The following ATAD2B variants were observed in gnomAD, a reference collection of about 807,000 sequenced individuals.
The protein encoded by ATAD2B is ATPase family AAA domain-containing protein 2B.
Under a neutral mutation model 167.6 loss-of-function variants are expected in ATAD2B, and 40 were observed. The observed-to-expected ratio is 0.24, with a 90% CI of 0.19 to 0.31. ATAD2B has a LOEUF of 0.31. ATAD2B is among the 10% of genes least tolerant of loss of function. The pLI is 1.00. For missense variants in ATAD2B, 1,242 were observed against 1,757.2 expected (o/e 0.71, Z 5.24); for synonymous variants, 579 against 596.5 (o/e 0.97, Z 0.43).
chr2:23,738,180 A>C, the ATAD2B span, among the ~76,000 whole-genome samples: 35 of 152,350 alleles, frequency 2.3e-4, no homozygotes, highest in African/African-American at 6.7e-4. Context: ...CAACATTCAG[A>C]TTCAGGAAAT....
At chr2:23,914,612 G>A (rs1187638115) in intron 1 of ATAD2B, among the ~76,000 whole-genome samples, 3 of 152,080 alleles carry the variant, frequency 2.0e-5, no homozygotes, top group Non-Finnish European at 4.4e-5. Context: ...GGCCGAGGCA[G>A]GCAGATCATG....
At chr2:23,781,498 C>T (rs1680052673) in intron 22 of ATAD2B, among the ~76,000 whole-genome samples, 1 of 152,008 alleles carries the variant, frequency 6.6e-6, no homozygotes, top group South Asian at 2.1e-4. Context: ...AACCCCATCT[C>T]TACTAAAAAT....
Position 23,926,908 on chromosome 2 carries a change from C to G in ATAD2B, c.-138G>C, listed in dbSNP as rs1704964775. 2 of 1,092,128 alleles carry G rather than the reference C, an allele frequency of 1.8e-6. No homozygotes were observed. The highest frequency in any genetic ancestry group is 2.5e-6 in the Non-Finnish European group (2 of 795,182). The allele number at this position is 1,092,128 out of a possible 1,614,324, so 67.7% of individuals were successfully genotyped here. A position where few individuals can be genotyped will look rare whatever the true frequency, so the allele number is the denominator to read the frequency against. ...CGGCCCGGAGCGTGCGGAGCGCAGA[C>G]GAGCACAAGAGAGAGCCGGGCAGAG... On this transcript the variant is annotated 5_prime_UTR_variant, in exon 1 of 28. Coordinates refer to ENST00000238789, the MANE Select transcript of ATAD2B (RefSeq NM_017552.4).
In ATAD2B at chr2:23,843,487, T is replaced by C. The variant is rs369862988; in HGVS notation, c.1569-9409A>G. Among the ~76,000 whole-genome samples the C allele has an allele frequency of 8.5e-5, 13 of 152,368 alleles. No individual in the cohort carries two copies. In the East Asian group the frequency reaches 2.5e-3, roughly 29 times the overall value. On this transcript the variant is annotated intron_variant, in intron 13 of 27. Coordinates refer to ENST00000238789, the MANE Select transcript of ATAD2B (RefSeq NM_017552.4). ...AATGTGGGAACAACAATCTAATTAATGGCTCTCCAATTACGGGCTGTGATA... is the reference window on the plus strand; with the variant it reads ...AATGTGGGAACAACAATCTAATTAACGGCTCTCCAATTACGGGCTGTGATA...
chr2:23,833,243 G>C (rs1689354283), intron 14 of ATAD2B, among the ~76,000 whole-genome samples: 1 of 152,134 alleles, frequency 6.6e-6, no homozygotes, highest in African/African-American at 2.4e-5. Context: ...ATTTCACATA[G>C]AGGTCCAAAA....
chr2:23,791,429 T>C (rs2149429856), intron 19 of ATAD2B, among the ~76,000 whole-genome samples: 1 of 152,326 alleles, frequency 6.6e-6, no homozygotes, highest in South Asian at 2.1e-4. Flanking sequence ...CTTGGTATTC[T>C]TTATTTTTGA....
the ATAD2B span, chr2:23,691,381 C>T: frequency 6.7e-6 from 3 of 450,354 alleles, no homozygotes; most frequent in South Asian, 2.2e-5. Context: ...CCTTTGAGGC[C>T]AGTCCTGGTC....
chr2:23,764,359 A>G (rs1677129485), intron 23 of ATAD2B, among the ~76,000 whole-genome samples: 1 of 152,212 alleles, frequency 6.6e-6, no homozygotes, highest in Non-Finnish European at 1.5e-5. Context: ...AAACTCTTGG[A>G]TAGTTTGTTC....
rs532118026 is a variant in ATAD2B, at chr2:23,841,973, T to C, written c.1569-7895A>G. On this transcript the variant is annotated intron_variant, in intron 13 of 27. Coordinates refer to ENST00000238789, the MANE Select transcript of ATAD2B (RefSeq NM_017552.4). ...AATATTTGTTTTTGTGCTATTTTTT[T>C]CCACTATTTTACTTTGAACCTTTTT... Among the ~76,000 whole-genome samples, 54 of 152,326 alleles carry C rather than the reference T, an allele frequency of 3.5e-4. 1 individual carries two copies. The highest frequency in any genetic ancestry group is 3.5e-3 in the South Asian group (17 of 4,828).
At chr2:23,701,997 A>G in the ATAD2B span, among the ~76,000 whole-genome samples, 1 of 135,202 alleles carries the variant, frequency 7.4e-6, no homozygotes, top group African/African-American at 2.8e-5. Context: ...TTTTTTTTGT[A>G]TTTTTAGTAG....
the ATAD2B span, chr2:23,695,807 C>A: frequency 6.5e-7 from 1 of 1,549,404 alleles, no homozygotes; most frequent in Non-Finnish European, 8.7e-7. The surrounding 1 kb of genome is among the most constrained non-coding windows in gnomAD (Gnocchi z 7.6). Flanking sequence ...CGAACCCGGC[C>A]GCGCCTCTCT....
At chr2:23,704,998 G>A in the ATAD2B span, among the ~76,000 whole-genome samples, 2 of 152,252 alleles carry the variant, frequency 1.3e-5, no homozygotes, top group Non-Finnish European at 2.9e-5. Flanking sequence ...AGTTCTATCT[G>A]TGAAACAGGC....
At chr2:23,764,977 G>C (rs1403872215) in intron 23 of ATAD2B, among the ~76,000 whole-genome samples, 1 of 152,152 alleles carries the variant, frequency 6.6e-6, no homozygotes, top group Admixed American at 6.5e-5. Context: ...GCTTCAACCA[G>C]TGCATACACC....
chr2:23,688,184 G>T, the ATAD2B span, among the ~76,000 whole-genome samples: 2 of 152,178 alleles, frequency 1.3e-5, no homozygotes, highest in Admixed American at 1.3e-4. Context: ...AGTTACCAAG[G>T]GTGGGCCTGA....
intron 17 of ATAD2B, among the ~76,000 whole-genome samples, chr2:23,815,030 TG>T (rs1686217784): frequency 7.1e-6 from 1 of 141,110 alleles, no homozygotes; most frequent in African/African-American, 2.7e-5. Flanking sequence ...CACTCCAGCC[TG>T]GGCAAAAAGA....
chr2:23,838,450 T>TA (rs11301797), intron 13 of ATAD2B, among the ~76,000 whole-genome samples: 215 of 147,014 alleles, frequency 1.5e-3, no homozygotes, highest in East Asian at 8.8e-3. Context: ...AAGTTGTCTT[T>TA]AAAAAAAAAA....
rs1178872314 is a variant in ATAD2B at position 23,863,576 on chromosome 2, A to G, written c.1305-21T>C. 13 of 1,532,696 alleles carry G rather than the reference A, an allele frequency of 8.5e-6. No homozygotes were observed. In the South Asian group the frequency reaches 1.4e-4, roughly 16 times the overall value. The allele number at this position is 1,532,696 out of a possible 1,614,324, so 94.9% of individuals were successfully genotyped here. On this transcript the variant is annotated intron_variant, in intron 11 of 27. Transcript: ENST00000238789. ...AGCCCCTAGAAGAATAAAAAAATCA[A>G]GAAGTGTAAATTATATTATCATCAC...
At chr2:23,852,644 C>T (rs189160128) in intron 13 of ATAD2B, among the ~76,000 whole-genome samples, 4 of 152,260 alleles carry the variant, frequency 2.6e-5, no homozygotes, top group Admixed American at 2.0e-4. Flanking sequence ...TCAGGCCAGG[C>T]GCAGTGGCTC....
At chr2:23,714,784 G>A in the ATAD2B span, among the ~76,000 whole-genome samples, 1 of 151,718 alleles carries the variant, frequency 6.6e-6, no homozygotes, top group African/African-American at 2.4e-5. Flanking sequence ...GAACCCAGGA[G>A]GCGGAGGCTG....
Sources: gnomAD v4.1 joint callset for allele counts (sites outside exome capture counted in the v4.1 genomes callset) on GRCh38, gnomAD v4.1.1 for gene constraint, Gnocchi (gnomAD v3.1) non-coding constraint, MANE v1.5 for transcripts, NCBI Gene and HGNC (gene_info 2026-07-23, HGNC 2026-07-21) for gene names.